The following SLIT2 variants were observed in gnomAD, a reference collection of about 807,000 sequenced individuals.
SLIT2 encodes slit homolog 2 protein.
Under a neutral mutation model 185.7 loss-of-function variants are expected in SLIT2, and 41 were observed. The ratio of observed to expected loss-of-function variants is 0.22; its 90% CI spans 0.17 to 0.29. SLIT2 has a LOEUF of 0.29. SLIT2 is among the 10% of genes least tolerant of loss of function. The pLI is 1.00. For synonymous variants in SLIT2, 693 were observed against 680.2 expected, an observed-to-expected ratio of 1.02 and a Z score of -0.29; for missense variants, 1,571 against 1,909.0, an observed-to-expected ratio of 0.82 and a Z score of 3.30.
At chr4:20,319,879 CT>C in intron 4 of SLIT2, among the ~76,000 whole-genome samples, 1 of 152,054 alleles carries the variant, frequency 6.6e-6, no homozygotes, top group East Asian at 1.9e-4. Flanking sequence ...TTGAATAGCC[CT>C]GGTTTGGAAT....
At chr4:20,481,029 T>C (rs1448794293) in intron 6 of SLIT2, among the ~76,000 whole-genome samples, 2 of 152,130 alleles carry the variant, frequency 1.3e-5, no homozygotes, top group African/African-American at 4.8e-5. Flanking sequence ...TTATAAATGT[T>C]TTTATGAGAT....
At chr4:20,577,240 C>T (rs2148928759) in intron 29 of SLIT2, among the ~76,000 whole-genome samples, 1 of 152,108 alleles carries the variant, frequency 6.6e-6, no homozygotes, top group East Asian at 1.9e-4. Context: ...TAAAGAAAAA[C>T]ACTCCTTCTG....
At chr4:20,559,930 A>T (rs1173731703) in intron 26 of SLIT2, among the ~76,000 whole-genome samples, 3 of 151,968 alleles carry the variant, frequency 2.0e-5, no homozygotes, top group Non-Finnish European at 4.4e-5. Context: ...GCTTTACTAG[A>T]AATATTTACT....
chr4:20,599,439 G>C (rs1190470299), intron 33 of SLIT2, among the ~76,000 whole-genome samples: 1 of 151,948 alleles, frequency 6.6e-6, no homozygotes, highest in South Asian at 2.1e-4. Context: ...TGATTAAAGA[G>C]GTCAAGTGCA....
intron 9 of SLIT2, among the ~76,000 whole-genome samples, chr4:20,495,190 G>T (rs865923695): frequency 6.6e-6 from 1 of 152,194 alleles, no homozygotes; most frequent in African/African-American, 2.4e-5. Flanking sequence ...TAGATAAGCC[G>T]CAGTTTGAAT....
chr4:20,266,686 A>G (rs527655334), intron 3 of SLIT2, among the ~76,000 whole-genome samples: 1 of 152,066 alleles, frequency 6.6e-6, no homozygotes, highest in South Asian at 2.1e-4. Context: ...AAGGGAGGGA[A>G]TACAAAGATT....
At chr4:20,559,846 T>C (rs1464599749) in intron 26 of SLIT2, among the ~76,000 whole-genome samples, 1 of 151,986 alleles carries the variant, frequency 6.6e-6, no homozygotes, top group Admixed American at 6.6e-5. Flanking sequence ...AAAATAAATT[T>C]TCAGTGTAAA....
At chr4:20,355,464 T>C (rs1722240815) in intron 4 of SLIT2, among the ~76,000 whole-genome samples, 1 of 152,194 alleles carries the variant, frequency 6.6e-6, no homozygotes, top group Non-Finnish European at 1.5e-5. Context: ...TAGAATTCTT[T>C]CCAAGAGAAT....
chr4:20,583,344 T>C (rs1726757490), intron 29 of SLIT2, among the ~76,000 whole-genome samples: 1 of 152,300 alleles, frequency 6.6e-6, no homozygotes, highest in African/African-American at 2.4e-5. Context: ...GAAAAAGCTA[T>C]AGGCAGATCA....
chr4:20,567,668 C>T lies in SLIT2; in HGVS notation c.2948+53C>T. The T allele has an allele frequency of 5.3e-6, 7 of 1,330,358 alleles. No homozygotes were observed. The South Asian group carries it at 8.3e-5, about 16-fold the overall frequency. 82.4% of individuals were successfully genotyped at this position (1,330,358 alleles called of 1,614,324 possible). On this transcript the variant is annotated intron_variant, in intron 28 of 36. Coordinates refer to ENST00000504154, the MANE Select transcript of SLIT2 (RefSeq NM_004787.4). ...GTCTGAAGTATTGGAGCAAAGATAACTAAGCCAACATACATTTTCCTTTTC... is the reference window on the plus strand; with the variant it reads ...GTCTGAAGTATTGGAGCAAAGATAATTAAGCCAACATACATTTTCCTTTTC...
chr4:20,364,342 T>C, intron 4 of SLIT2: 1 of 916,468 alleles, frequency 1.1e-6, no homozygotes, highest in African/African-American at 1.8e-5. Context: ...CATTTCAGGA[T>C]AGCTGGACAG....
intron 4 of SLIT2, among the ~76,000 whole-genome samples, chr4:20,276,135 T>C (rs926789053): frequency 6.6e-6 from 1 of 152,174 alleles, no homozygotes; most frequent in Non-Finnish European, 1.5e-5. Context: ...ACTAATTATG[T>C]CAAAATCCAG....
chr4:20,264,308 G>A (rs1189667319), intron 3 of SLIT2, among the ~76,000 whole-genome samples: 1 of 151,764 alleles, frequency 6.6e-6, no homozygotes, highest in Non-Finnish European at 1.5e-5. Flanking sequence ...TTTTATGCTT[G>A]ATCATTCATG....
In SLIT2 at chr4:20,291,458, A is replaced by G. The variant is rs1180424218; in HGVS notation, c.395+22577A>G. Among the ~76,000 whole-genome samples the G allele has an allele frequency of 1.3e-4, 4 of 31,192 alleles. No individual in the cohort carries two copies. The South Asian group carries it at 6.8e-3, about 53-fold the overall frequency. The allele number at this position is 31,192 out of a possible 152,430, so 20.5% of individuals were successfully genotyped here. A position where few individuals can be genotyped will look rare whatever the true frequency, so the allele number is the denominator to read the frequency against. ...CTCCTAAGAAACCTCATATATATATATATATATATATATATATATATATAT... is the reference window on the plus strand; with the variant it reads ...CTCCTAAGAAACCTCATATATATATGTATATATATATATATATATATATAT... On this transcript the variant is annotated intron_variant, in intron 4 of 36. Transcript: ENST00000504154.
intron 4 of SLIT2, among the ~76,000 whole-genome samples, chr4:20,450,638 A>C (rs566517895): frequency 1.3e-5 from 2 of 152,322 alleles, no homozygotes; most frequent in East Asian, 3.9e-4. Flanking sequence ...TGGGTACACT[A>C]TTTTTAACTA....
intron 4 of SLIT2, among the ~76,000 whole-genome samples, chr4:20,291,146 A>G (rs1286964796): frequency 6.6e-6 from 1 of 152,022 alleles, no homozygotes; most frequent in Non-Finnish European, 1.5e-5. Context: ...GGCATATTAG[A>G]CACCAGAGAT....
chr4:20,258,860 T>G (rs1712140700), intron 3 of SLIT2, among the ~76,000 whole-genome samples: 2 of 151,674 alleles, frequency 1.3e-5, no homozygotes, highest in African/African-American at 4.8e-5. Flanking sequence ...TAAAAATAAT[T>G]TTTTTCAAAA....
At chr4:20,294,200 T>C (rs1190182007) in intron 4 of SLIT2, among the ~76,000 whole-genome samples, 1 of 152,048 alleles carries the variant, frequency 6.6e-6, no homozygotes, top group African/African-American at 2.4e-5. Flanking sequence ...TTGCAAAAAT[T>C]AGCTGGGCAT....
chr4:20,325,400 AG>A (rs1378066884), intron 4 of SLIT2, among the ~76,000 whole-genome samples: 2 of 107,386 alleles, frequency 1.9e-5, no homozygotes, highest in Admixed American at 2.7e-4. Flanking sequence ...ATGTTGTAGA[AG>A]GTCAGGGGTA....
Sources: allele counts gnomAD v4.1 joint callset (sites outside exome capture counted in the v4.1 genomes callset), GRCh38; gene constraint gnomAD v4.1.1; transcripts MANE v1.5; gene names NCBI Gene and HGNC (gene_info 2026-07-23, HGNC 2026-07-21).